PDZD9: variants seen among roughly 807,000 people sequenced by gnomAD.
PDZD9 encodes PDZ domain containing 9.
PDZD9 carries 13 observed loss-of-function variants against 16.3 expected under a neutral mutation model. The ratio of observed to expected loss-of-function variants is 0.80; its 90% CI spans 0.52 to 1.27. The LOEUF (loss-of-function observed/expected upper bound fraction) is 1.27. Among genes scored for constraint, PDZD9 ranks in the 50% most tolerant of loss-of-function variants. PDZD9 has a pLI of 0.00. For missense variants in PDZD9, 288 were observed against 310.9 expected (o/e 0.93, Z 0.55); for synonymous variants, 120 against 111.0 (o/e 1.08, Z -0.51).
At chr16:21,959,688 T>G in the PDZD9 span, 1 of 152,272 alleles carries the variant, frequency 6.6e-6, no homozygotes, top group East Asian at 1.9e-4. Flanking sequence ...TTTGCCCAGA[T>G]CCATCAGCGT....
chr16:21,966,861 A>G, the PDZD9 span, among the ~76,000 whole-genome samples: 2 of 152,224 alleles, frequency 1.3e-5, no homozygotes, highest in Admixed American at 6.5e-5. Context: ...AAAAATTAGA[A>G]ACAAGTTAAT....
chr16:21,969,232 A>C, the PDZD9 span, among the ~76,000 whole-genome samples: 1 of 152,122 alleles, frequency 6.6e-6, no homozygotes, highest in Non-Finnish European at 1.5e-5. Flanking sequence ...ATCTTTTTGA[A>C]CATATCTGTT....
downstream of PDZD9, among the ~76,000 whole-genome samples, chr16:21,978,959 G>A (rs752216151): frequency 2.0e-5 from 3 of 152,082 alleles, no homozygotes; most frequent in Non-Finnish European, 4.4e-5. Flanking sequence ...AGACACCCCC[G>A]AAACCTGCCA....
the PDZD9 span, chr16:21,958,695 T>G: frequency 7.8e-6 from 8 of 1,021,948 alleles, no homozygotes; most frequent in Admixed American, 2.4e-5. Context: ...GAGGATTTCT[T>G]AAGCAACATA....
the PDZD9 span, chr16:21,972,078 C>T: frequency 6.2e-7 from 1 of 1,614,020 alleles, no homozygotes; most frequent in Non-Finnish European, 8.5e-7. Flanking sequence ...CACCACCAGC[C>T]ATCTGCACCA....
chr16:21,996,195 G>T, intron 2 of PDZD9, 127 bp downstream of exon 2: 1 of 1,187,420 alleles, frequency 8.4e-7, no homozygotes, highest in Non-Finnish European at 1.1e-6. Flanking sequence ...CAAAGTGCTG[G>T]GATTACAGGC....
At chr16:21,979,910 G>C (rs1016758282), downstream of PDZD9, among the ~76,000 whole-genome samples, 5 of 152,008 alleles carry the variant, frequency 3.3e-5, no homozygotes, top group Non-Finnish European at 5.9e-5. Flanking sequence ...CTTGAATTTC[G>C]ATCTTTTCCT....
At chr16:21,973,055 G>A in the PDZD9 span, among the ~76,000 whole-genome samples, 3 of 152,206 alleles carry the variant, frequency 2.0e-5, no homozygotes, top group Admixed American at 6.5e-5. Context: ...AGCTGAGATC[G>A]TGCCACTGCA....
At chr16:21,969,358 A>T in the PDZD9 span, among the ~76,000 whole-genome samples, 4 of 152,068 alleles carry the variant, frequency 2.6e-5, no homozygotes, top group Non-Finnish European at 5.9e-5. Flanking sequence ...ACATGGCGAA[A>T]CCCCGTCTCT....
chr16:21,996,004 C>G (rs1361266922), intron 2 of PDZD9, among the ~76,000 whole-genome samples: 1 of 152,096 alleles, frequency 6.6e-6, no homozygotes, highest in Non-Finnish European at 1.5e-5. Context: ...GTTGGCCAGG[C>G]TGGTCTCGAA....
chr16:21,965,316 A>G, the PDZD9 span: 1 of 1,261,438 alleles, frequency 7.9e-7, no homozygotes, highest in African/African-American at 1.5e-5. Flanking sequence ...GAAGATGACC[A>G]AATTTGTATA....
downstream of PDZD9, chr16:21,980,785 G>A (rs1898705117): frequency 1.3e-6 from 2 of 1,490,068 alleles, no homozygotes; most frequent in Admixed American, 1.9e-5. Flanking sequence ...AGCGTCCTTG[G>A]GCAGTGTATT....
downstream of PDZD9, among the ~76,000 whole-genome samples, chr16:21,982,393 T>G (rs1368427601): frequency 6.6e-6 from 1 of 152,192 alleles, no homozygotes; most frequent in Non-Finnish European, 1.5e-5. Flanking sequence ...CAATGTATTT[T>G]TATTGACCCA....
chr16:21,997,971 G>A (rs892101830), intron 1 of PDZD9, among the ~76,000 whole-genome samples: 4 of 152,080 alleles, frequency 2.6e-5, no homozygotes, highest in African/African-American at 9.7e-5. Context: ...AGGGGTTCAT[G>A]GCCCTTTCCT....
intron 3 of PDZD9, among the ~76,000 whole-genome samples, 171 bp downstream of exon 3, chr16:21,988,431 T>A (rs1898935550): frequency 6.6e-6 from 1 of 152,126 alleles, no homozygotes. Flanking sequence ...TGCTTTCTCA[T>A]ATTAGATCCT....
chr16:21,976,206 C>T, the PDZD9 span: 1 of 1,614,008 alleles, frequency 6.2e-7, no homozygotes. Context: ...AACAATAGCT[C>T]AAGGAAACCT....
At chr16:21,978,877 A>C (rs1264593689), downstream of PDZD9, among the ~76,000 whole-genome samples, 1 of 152,192 alleles carries the variant, frequency 6.6e-6, no homozygotes, top group African/African-American at 2.4e-5. Flanking sequence ...TGGTGAAAAC[A>C]AACAGGCCCT....
rs907082403 is a variant in PDZD9, at chr16:21,984,451, C to T, written c.611G>A (p.Cys204Tyr). The change falls in exon 4 of 4, where the codon TGT (cysteine) becomes TAT (tyrosine). Residue 204 changes from cysteine (C) to tyrosine (Y), a missense_variant. Transcript: ENST00000424898. ...HTISVGKDIN[C>Y]DVMIHRDDKK... ...GTCGTCTCTGTGAATCATCACGTCA[C>T]AATTAATGTCTTTTCCTACACTAAT... is the stretch of plus-strand genomic sequence containing the variant. 4 of 1,613,958 alleles carry T rather than the reference C, an allele frequency of 2.5e-6. No individual in the cohort carries two copies. The Admixed American group carries it at 5.0e-5, about 20-fold the overall frequency.
At chr16:21,988,887 T>C (rs1183699950) in intron 2 of PDZD9, 96 bp from the exon 3 acceptor site, 1 of 1,052,874 alleles carries the variant, frequency 9.5e-7, no homozygotes, top group Non-Finnish European at 1.3e-6. Flanking sequence ...TTTTATGGGT[T>C]CATATTGTTG....
Sources: gnomAD v4.1 joint callset for allele counts (sites outside exome capture counted in the v4.1 genomes callset) on GRCh38, gnomAD v4.1.1 for gene constraint, MANE v1.5 for transcripts, NCBI Gene and HGNC (gene_info 2026-07-23, HGNC 2026-07-21) for gene names.